The following TTLL11 variants were observed in gnomAD, a reference collection of about 807,000 sequenced individuals.
TTLL11 encodes the protein tubulin polyglutamylase TTLL11.
TTLL11 carries 42 observed loss-of-function variants against 51.7 expected under a neutral mutation model. That is an observed-to-expected ratio of 0.81 (90% CI 0.64 to 1.05). The LOEUF (loss-of-function observed/expected upper bound fraction) is 1.05, where lower values mean the gene tolerates loss of function less well. TTLL11 is among the 50% of genes least tolerant of loss of function. The pLI, the probability that TTLL11 is intolerant of heterozygous loss-of-function variation, is 0.00. For synonymous variants in TTLL11, 381 were observed against 383.5 expected (o/e 0.99, Z 0.08); for missense variants, 799 against 940.4 (o/e 0.85, Z 1.97).
chr9:122,072,221 T>C (rs910233698), intron 1 of TTLL11, among the ~76,000 whole-genome samples: 1 of 151,858 alleles, frequency 6.6e-6, no homozygotes, highest in African/African-American at 2.4e-5. Context: ...AAGTTTAAAA[T>C]AGATACCTTC....
At chr9:121,878,212 C>T (rs947315592) in intron 6 of TTLL11, among the ~76,000 whole-genome samples, 4 of 152,146 alleles carry the variant, frequency 2.6e-5, no homozygotes, top group African/African-American at 9.7e-5. Context: ...ATGGAGCCTA[C>T]GCCTAGCACA....
In TTLL11 at chr9:122,018,109, CTTTTTT is replaced by C. The variant is rs386416144; in HGVS notation, c.693+13608_693+13613del. Among the ~76,000 whole-genome samples the C allele has an allele frequency of 4.2e-3, 508 of 121,560 alleles. 3 individuals are homozygous for C. Among genetic ancestry groups the C allele is most frequent in the Middle Eastern group, 0.014 (3 of 218 alleles). 79.7% of individuals were successfully genotyped at this position (121,560 alleles called of 152,430 possible). ...AGGAGCTACTAAAATAATAATGCCA[CTTTTTT>C]TTTTTTTTTTTTTTTGAGACAGAGT... On this transcript the variant is annotated intron_variant, in intron 3 of 8. Transcript: ENST00000321582.
chr9:121,854,745 C>A (rs1410200584), intron 8 of TTLL11, among the ~76,000 whole-genome samples: 1 of 152,100 alleles, frequency 6.6e-6, no homozygotes, highest in Non-Finnish European at 1.5e-5. Flanking sequence ...ATAAGAAGGA[C>A]CTCCTGAGTG....
intron 8 of TTLL11, among the ~76,000 whole-genome samples, chr9:121,829,258 C>T (rs1233445922): frequency 1.3e-5 from 2 of 151,994 alleles, no homozygotes; most frequent in African/African-American, 2.4e-5. Flanking sequence ...CCAGCCAAGA[C>T]CCTGTCTTCA....
At chr9:122,076,201 C>T (rs1845853499) in intron 1 of TTLL11, among the ~76,000 whole-genome samples, 1 of 152,204 alleles carries the variant, frequency 6.6e-6, no homozygotes, top group South Asian at 2.1e-4. Context: ...AGCATCCTAA[C>T]TTGCCTCTCT....
chr9:122,045,548 C>G (rs917027223), intron 1 of TTLL11, among the ~76,000 whole-genome samples: 1 of 151,378 alleles, frequency 6.6e-6, no homozygotes, highest in Non-Finnish European at 1.5e-5. Context: ...GAGACTCCAT[C>G]GCAAAAAAAA....
chr9:121,950,050 C>T (rs1841802139), intron 6 of TTLL11, among the ~76,000 whole-genome samples: 1 of 152,160 alleles, frequency 6.6e-6, no homozygotes, highest in African/African-American at 2.4e-5. Flanking sequence ...AAGGAGGACA[C>T]ATTCCCATTT....
intron 3 of TTLL11, among the ~76,000 whole-genome samples, chr9:122,026,640 A>T (rs1029626177): frequency 2.0e-5 from 3 of 152,130 alleles, no homozygotes; most frequent in African/African-American, 7.2e-5. Flanking sequence ...CTGTCTGTTA[A>T]AAAGTATAAG....
At chr9:122,000,784 TTAA>T (rs1843436862) in intron 3 of TTLL11, among the ~76,000 whole-genome samples, 1 of 152,230 alleles carries the variant, frequency 6.6e-6, no homozygotes, top group Admixed American at 6.5e-5. Context: ...GTCTACTTTC[TTAA>T]TAAACTTGCA....
At chr9:121,870,375 AT>A in intron 7 of TTLL11, 121 bp downstream of exon 7, 1 of 1,282,126 alleles carries the variant, frequency 7.8e-7, no homozygotes, top group East Asian at 2.6e-5. Context: ...CCAAGCTCAA[AT>A]GGGGTACTGA....
At chr9:122,083,911 G>A (rs1429271949) in intron 1 of TTLL11, among the ~76,000 whole-genome samples, 2 of 152,136 alleles carry the variant, frequency 1.3e-5, no homozygotes, top group South Asian at 2.1e-4. Context: ...GGAGGGGGAT[G>A]GGGTAGGTGG....
intron 1 of TTLL11, among the ~76,000 whole-genome samples, chr9:122,047,960 C>A (rs1365614632): frequency 6.6e-6 from 1 of 152,108 alleles, no homozygotes; most frequent in East Asian, 1.9e-4. Context: ...CTTCTCCCTC[C>A]TCAACATCCA....
At chr9:122,038,149 T>C (rs1286767264) in intron 2 of TTLL11, among the ~76,000 whole-genome samples, 1 of 151,234 alleles carries the variant, frequency 6.6e-6, no homozygotes, top group African/African-American at 2.5e-5. Context: ...TATTGCTGTT[T>C]TGTTAAATGA....
intron 6 of TTLL11, among the ~76,000 whole-genome samples, chr9:121,945,218 T>C (rs1029910204): frequency 6.6e-6 from 1 of 151,986 alleles, no homozygotes; most frequent in African/African-American, 2.4e-5. Context: ...TCCCAGATGA[T>C]CTCTTTTAAT....
intron 3 of TTLL11, among the ~76,000 whole-genome samples, chr9:122,014,631 G>A (rs1328529725): frequency 1.4e-5 from 2 of 143,468 alleles, no homozygotes; most frequent in African/African-American, 5.0e-5. Flanking sequence ...TGCCAGGGCT[G>A]GACATATAAA....
At chr9:121,949,838 G>A (rs1183755437) in intron 6 of TTLL11, among the ~76,000 whole-genome samples, 1 of 151,958 alleles carries the variant, frequency 6.6e-6, no homozygotes, top group East Asian at 1.9e-4. Flanking sequence ...CTGAATAAAT[G>A]TTCCTCTCCC....
At chr9:122,025,168 T>C (rs1001549635) in intron 3 of TTLL11, among the ~76,000 whole-genome samples, 1 of 149,598 alleles carries the variant, frequency 6.7e-6, no homozygotes, top group African/African-American at 2.5e-5. Context: ...TAAAAAAAAA[T>C]AGGCAAAACA....
At position 122,061,875 on chromosome 9, in the gene TTLL11, A is replaced by T. The variant is rs924233910; in HGVS notation, c.463-22507T>A. 2.6e-5 allele frequency among the ~76,000 whole-genome samples: 4 copies of T among 152,198 alleles called. No homozygotes were observed. In the South Asian group the frequency reaches 8.3e-4, roughly 32 times the overall value. ...CTGGTCTTGAACTCCTGACCTCGTG[A>T]TCTGCCCACCTCGGCCTCCCAAAGT... On this transcript the variant is annotated intron_variant, in intron 1 of 8. Transcript: ENST00000321582.
intron 2 of TTLL11, among the ~76,000 whole-genome samples, chr9:122,032,297 G>A (rs1194919134): frequency 6.6e-6 from 1 of 152,062 alleles, no homozygotes; most frequent in East Asian, 1.9e-4. Context: ...ATTATGAGAG[G>A]CTTAATTAAG....
Sources: allele counts gnomAD v4.1 joint callset (sites outside exome capture counted in the v4.1 genomes callset), GRCh38; gene constraint gnomAD v4.1.1; transcripts MANE v1.5; gene names NCBI Gene and HGNC (gene_info 2026-07-23, HGNC 2026-07-21).